Variants in ST6GALNAC5 observed in about 807,000 individuals in gnomAD.
ST6GALNAC5 encodes alpha-N-acetylgalactosaminide alpha-2,6-sialyltransferase 5.
Under a neutral mutation model 33.6 loss-of-function variants are expected in ST6GALNAC5, and 27 were observed. The observed-to-expected ratio is 0.80, with a 90% CI of 0.59 to 1.11. The LOEUF is 1.11. Ranked by LOEUF, ST6GALNAC5 falls within the 50% of genes least tolerant of loss-of-function variation. The probability of loss-of-function intolerance (pLI) is 0.00; values close to 1 mark genes in which losing one functional copy is unlikely to be tolerated. For missense variants in ST6GALNAC5, 428 were observed against 454.0 expected, an observed-to-expected ratio of 0.94 and a Z score of 0.52; for synonymous variants, 194 against 171.2, an observed-to-expected ratio of 1.13 and a Z score of -1.04.
In ST6GALNAC5 at chr1:76,869,174, G is replaced by C. The variant is rs145488274; in HGVS notation, c.261+432G>C. 3.8e-3 allele frequency: 717 copies of C among 187,582 alleles called. 3 individuals are homozygous for C. Among genetic ancestry groups the C allele is most frequent in the African/African-American group, 0.016 (674 of 41,972 alleles). The allele number at this position is 187,582 out of a possible 1,614,324, so 11.6% of individuals were successfully genotyped here. A position where few individuals can be genotyped will look rare whatever the true frequency, so the allele number is the denominator to read the frequency against. ...GGAGGGTGAGCGCAGCCAGCCCGCG[G>C]CCACTGCTCGGGATCCAGCGTTCCC... On this transcript the variant is annotated intron_variant, in intron 2 of 4. Coordinates refer to ENST00000477717, the MANE Select transcript of ST6GALNAC5 (RefSeq NM_030965.3).
intron 2 of ST6GALNAC5, among the ~76,000 whole-genome samples, chr1:77,011,128 T>C (rs1650619318): frequency 6.6e-6 from 1 of 152,166 alleles, no homozygotes; most frequent in Non-Finnish European, 1.5e-5. Flanking sequence ...TTCAGCCTTT[T>C]CCAAGGTCTG....
At chr1:76,916,761 T>C (rs1217704302) in intron 2 of ST6GALNAC5, among the ~76,000 whole-genome samples, 6 of 152,168 alleles carry the variant, frequency 3.9e-5, no homozygotes, top group African/African-American at 1.4e-4. Flanking sequence ...TTTTTAGGTA[T>C]TTTTCTTGCA....
Position 76,996,222 on chromosome 1 carries a change from T to G in ST6GALNAC5, c.262-47982T>G, listed in dbSNP as rs559060267. ...TAACCCTTAGCCAGACCAGTTGGAG[T>G]TCCCCATCCCCAGTGACCTCTCCTA... On this transcript the variant is annotated intron_variant, in intron 2 of 4. Transcript: ENST00000477717. 2.2e-3 allele frequency among the ~76,000 whole-genome samples: 330 copies of G among 152,228 alleles called. 1 individual carries two copies. The highest frequency in any genetic ancestry group is 3.6e-3 in the Non-Finnish European group (248 of 68,008).
At chr1:76,877,794 G>T (rs565834318) in intron 2 of ST6GALNAC5, among the ~76,000 whole-genome samples, 16 of 152,342 alleles carry the variant, frequency 1.1e-4, no homozygotes, top group East Asian at 5.8e-4. Context: ...ATGACACAAA[G>T]CTAGAGAGTT....
chr1:76,984,094 TAGA>T (rs1239675768), intron 2 of ST6GALNAC5, among the ~76,000 whole-genome samples: 4 of 152,066 alleles, frequency 2.6e-5, no homozygotes, highest in South Asian at 2.1e-4. Flanking sequence ...ACATCAAAAT[TAGA>T]AGAACTACAG....
At chr1:76,934,934 A>G (rs1247783991) in intron 2 of ST6GALNAC5, among the ~76,000 whole-genome samples, 1 of 152,134 alleles carries the variant, frequency 6.6e-6, no homozygotes, top group Admixed American at 6.6e-5. Flanking sequence ...ACAGATTCAC[A>G]AATTAATTGC....
At chr1:76,877,537 C>T (rs1653674845) in intron 2 of ST6GALNAC5, among the ~76,000 whole-genome samples, 1 of 152,182 alleles carries the variant, frequency 6.6e-6, no homozygotes, top group African/African-American at 2.4e-5. Context: ...TCATCCTTCA[C>T]CTTAGAAGGA....
chr1:76,884,988 G>C (rs1653860847), intron 2 of ST6GALNAC5, among the ~76,000 whole-genome samples: 2 of 152,220 alleles, frequency 1.3e-5, no homozygotes, highest in Admixed American at 1.3e-4. Context: ...ATACTGACTG[G>C]TCTGACAAGT....
chr1:76,944,129 T>C (rs138031958), intron 2 of ST6GALNAC5, among the ~76,000 whole-genome samples: 25 of 152,248 alleles, frequency 1.6e-4, no homozygotes, highest in Non-Finnish European at 3.4e-4. Flanking sequence ...TTCTGGTACA[T>C]GCAAACATGT....
intron 2 of ST6GALNAC5, among the ~76,000 whole-genome samples, chr1:77,006,432 G>T (rs1169723077): frequency 6.9e-6 from 1 of 145,908 alleles, no homozygotes; most frequent in African/African-American, 2.5e-5. Flanking sequence ...TCCTGCCTCC[G>T]CCTCCTGAGT....
intron 2 of ST6GALNAC5, among the ~76,000 whole-genome samples, chr1:76,904,623 G>A (rs755043012): frequency 2.6e-5 from 4 of 152,096 alleles, no homozygotes; most frequent in African/African-American, 2.4e-5. Context: ...TCAGGAGTTC[G>A]AGACCAGCCT....
intron 2 of ST6GALNAC5, among the ~76,000 whole-genome samples, chr1:76,901,569 TGATA>T (rs1396176838): frequency 6.6e-6 from 1 of 152,210 alleles, no homozygotes; most frequent in Non-Finnish European, 1.5e-5. Context: ...CAAAAACTGC[TGATA>T]AATAGCAAAG....
rs183258692 is a variant in ST6GALNAC5, at chr1:76,984,085, C to T, written c.262-60119C>T. Among the ~76,000 whole-genome samples, 9 of 152,288 alleles carry T rather than the reference C, an allele frequency of 5.9e-5. No homozygotes were observed. In the East Asian group the frequency reaches 1.4e-3, roughly 23 times the overall value. On this transcript the variant is annotated intron_variant, in intron 2 of 4. Transcript: ENST00000477717. ...GAAAGATCTAAAATTGACACCCTAACATCAAAATTAGAAGAACTACAGAAG... is the reference window on the plus strand; with the variant it reads ...GAAAGATCTAAAATTGACACCCTAATATCAAAATTAGAAGAACTACAGAAG...
intron 2 of ST6GALNAC5, among the ~76,000 whole-genome samples, chr1:76,870,980 C>T (rs778208169): frequency 1.3e-5 from 2 of 152,152 alleles, no homozygotes; most frequent in Non-Finnish European, 1.5e-5. Flanking sequence ...TTCTCTTTAC[C>T]GCTACTATTT....
intron 2 of ST6GALNAC5, among the ~76,000 whole-genome samples, chr1:76,913,520 A>G (rs1042721872): frequency 8.5e-5 from 13 of 152,274 alleles, no homozygotes; most frequent in African/African-American, 2.9e-4. Flanking sequence ...GTGTTTTCCA[A>G]CTTGGTTCCA....
intron 2 of ST6GALNAC5, among the ~76,000 whole-genome samples, chr1:76,978,528 T>C (rs1304643247): frequency 3.3e-5 from 5 of 152,214 alleles, no homozygotes; most frequent in African/African-American, 4.8e-5. Flanking sequence ...ATAAAAACTC[T>C]ATGATCATTT....
chr1:76,943,624 G>A (rs1057037880), intron 2 of ST6GALNAC5, among the ~76,000 whole-genome samples: 5 of 152,094 alleles, frequency 3.3e-5, no homozygotes, highest in Middle Eastern at 3.4e-3. Context: ...GACTGACTTC[G>A]ACCACAGAAC....
intron 2 of ST6GALNAC5, among the ~76,000 whole-genome samples, chr1:76,897,794 G>A (rs1220085606): frequency 6.6e-6 from 1 of 152,166 alleles, no homozygotes; most frequent in Non-Finnish European, 1.5e-5. Flanking sequence ...GCTTAAAAGA[G>A]TATTGTCTAA....
At chr1:76,998,669 GT>G (rs1650031017) in intron 2 of ST6GALNAC5, among the ~76,000 whole-genome samples, 2 of 152,122 alleles carry the variant, frequency 1.3e-5, no homozygotes, top group African/African-American at 4.8e-5. Flanking sequence ...TAAGTTCAGA[GT>G]TTTAAAATTC....
Sources: allele counts gnomAD v4.1 joint callset (sites outside exome capture counted in the v4.1 genomes callset), GRCh38; gene constraint gnomAD v4.1.1; transcripts MANE v1.5; gene names NCBI Gene and HGNC (gene_info 2026-07-23, HGNC 2026-07-21).